Variants in CSMD1 observed in about 807,000 individuals in gnomAD.
CSMD1 encodes CUB and Sushi multiple domains 1, also known as CUB and sushi domain-containing protein 1.
In CSMD1, 213 loss-of-function variants were observed where a neutral mutation model predicts 417.5. The observed-to-expected ratio is 0.51, with a 90% confidence interval of 0.46 to 0.57. The LOEUF is 0.57. Among genes scored for constraint, CSMD1 ranks in the 20% least tolerant of loss-of-function variants. CSMD1 has a pLI of 0.00. For missense variants in CSMD1, 6,923 were observed against 4,529.7 expected (o/e 1.53, Z -15.17); for synonymous variants, 2,862 against 1,736.8 (o/e 1.65, Z -16.11).
chr8:4,026,221 A>G (rs1797057587), intron 4 of CSMD1, among the ~76,000 whole-genome samples: 1 of 152,372 alleles, frequency 6.6e-6, no homozygotes, highest in South Asian at 2.1e-4. Context: ...ATCCATGAGA[A>G]ACTGTGCTGC....
chr8:3,949,819 C>T, intron 5 of CSMD1: 1 of 434,378 alleles, frequency 2.3e-6, no homozygotes, highest in South Asian at 1.6e-5. Flanking sequence ...GGGCAATGAC[C>T]TGCTTCCATC....
At chr8:3,417,831 T>G (rs116777157) in intron 12 of CSMD1, among the ~76,000 whole-genome samples, 1 of 152,080 alleles carries the variant, frequency 6.6e-6, no homozygotes, top group African/African-American at 2.4e-5. Context: ...ACAGACCCTG[T>G]TTTTTGGAGA....
chr8:4,701,531 A>C (rs764950226), intron 1 of CSMD1, among the ~76,000 whole-genome samples: 28 of 152,088 alleles, frequency 1.8e-4, no homozygotes, highest in African/African-American at 6.3e-4. Flanking sequence ...GGAAGCATCA[A>C]TGGTGGGCAT....
At chr8:4,368,173 G>C (rs961950554) in intron 3 of CSMD1, among the ~76,000 whole-genome samples, 1 of 152,084 alleles carries the variant, frequency 6.6e-6, no homozygotes, top group African/African-American at 2.4e-5. Context: ...TTCCTTCAAT[G>C]CCTAATTTGT....
chr8:2,985,165 G>A (rs1805776492), intron 54 of CSMD1, among the ~76,000 whole-genome samples: 1 of 152,160 alleles, frequency 6.6e-6, no homozygotes, highest in South Asian at 2.1e-4. Flanking sequence ...ACAGAATATA[G>A]AAACCTTAAT....
At chr8:4,475,051 C>T (rs1800727536) in intron 2 of CSMD1, among the ~76,000 whole-genome samples, 1 of 152,028 alleles carries the variant, frequency 6.6e-6, no homozygotes, top group Non-Finnish European at 1.5e-5. Context: ...AGTGTCCTAA[C>T]CTCTGTGTTA....
At chr8:3,076,164 T>C (rs1813665568) in intron 49 of CSMD1, among the ~76,000 whole-genome samples, 1 of 152,216 alleles carries the variant, frequency 6.6e-6, no homozygotes, top group Admixed American at 6.5e-5. Context: ...AGAAATGGAT[T>C]TTCTCACAGT....
At chr8:4,374,632 G>C (rs1377193080) in intron 3 of CSMD1, among the ~76,000 whole-genome samples, 1 of 152,238 alleles carries the variant, frequency 6.6e-6, no homozygotes, top group East Asian at 1.9e-4. Flanking sequence ...GGAGCATGAA[G>C]TTGTTTTTTA....
At chr8:4,760,756 A>G (rs914728202) in intron 1 of CSMD1, among the ~76,000 whole-genome samples, 1 of 152,194 alleles carries the variant, frequency 6.6e-6, no homozygotes, top group Non-Finnish European at 1.5e-5. Context: ...GTATTTTATC[A>G]GCTAAGTTTT....
At chr8:3,103,568 A>G (rs11136577) in intron 46 of CSMD1, among the ~76,000 whole-genome samples, 128,436 of 151,834 alleles carry the variant, frequency 0.85, 56,658 homozygotes, top group Non-Finnish European at 0.96. Flanking sequence ...ACTCGGTGGT[A>G]GGAATTTTCA....
At chr8:3,855,287 C>A (rs988872805) in intron 5 of CSMD1, among the ~76,000 whole-genome samples, 2 of 152,050 alleles carry the variant, frequency 1.3e-5, no homozygotes, top group East Asian at 1.9e-4. Context: ...TCTGTCTTTG[C>A]AATTTAAACT....
chr8:4,751,520 A>T lies in CSMD1; in HGVS notation c.86-113962T>A, dbSNP rs1416760236. On this transcript the variant is annotated intron_variant, in intron 1 of 69. Transcript: ENST00000635120. ...GGAATCATGAGCTAGATAACTTTCTAAAGTTATTTTATCCCTTTAATTCCA... is the reference window on the plus strand; with the variant it reads ...GGAATCATGAGCTAGATAACTTTCTTAAGTTATTTTATCCCTTTAATTCCA... 2.0e-5 allele frequency among the ~76,000 whole-genome samples: 3 copies of T among 152,204 alleles called. 1 individual carries two copies. The highest frequency in any genetic ancestry group is 4.4e-5 in the Non-Finnish European group (3 of 68,028).
intron 10 of CSMD1, among the ~76,000 whole-genome samples, chr8:3,556,392 A>AATATAT (rs367650533): frequency 0.21 from 25,146 of 120,412 alleles, 3,133 homozygotes; most frequent in African/African-American, 0.3. Flanking sequence ...TATAATAATT[A>AATATAT]ATATATATAT....
chr8:3,147,333 C>A (rs1466517159), intron 40 of CSMD1, among the ~76,000 whole-genome samples: 1 of 152,178 alleles, frequency 6.6e-6, no homozygotes, highest in Non-Finnish European at 1.5e-5. Context: ...TACATTTTTA[C>A]ACGAAAGCAA....
chr8:4,532,891 C>G (rs867428754), intron 2 of CSMD1, among the ~76,000 whole-genome samples: 1 of 151,868 alleles, frequency 6.6e-6, no homozygotes, highest in Non-Finnish European at 1.5e-5. Flanking sequence ...AAATCCTGCA[C>G]CCCCATTCAG....
intron 3 of CSMD1, among the ~76,000 whole-genome samples, chr8:4,218,210 G>C (rs1362742981): frequency 6.6e-6 from 1 of 152,122 alleles, no homozygotes; most frequent in African/African-American, 2.4e-5. Context: ...TTGGCACTTT[G>C]CTCATTTCAT....
At chr8:4,231,948 T>C (rs779983497) in intron 3 of CSMD1, among the ~76,000 whole-genome samples, 1 of 152,158 alleles carries the variant, frequency 6.6e-6, no homozygotes. Flanking sequence ...CTTCCTTTTC[T>C]ACCTCCTCCT....
chr8:3,464,375 G>A (rs993061463), intron 12 of CSMD1, among the ~76,000 whole-genome samples: 6 of 152,160 alleles, frequency 3.9e-5, no homozygotes, highest in Middle Eastern at 6.8e-3. Flanking sequence ...AGCTGCAGTG[G>A]TTATGAGGGA....
chr8:3,947,323 T>C (rs983132077), intron 5 of CSMD1, among the ~76,000 whole-genome samples: 1 of 152,188 alleles, frequency 6.6e-6, no homozygotes, highest in Admixed American at 6.5e-5. Context: ...GTTAAGATTA[T>C]GAATTACAAT....
Sources: allele counts gnomAD v4.1 joint callset (sites outside exome capture counted in the v4.1 genomes callset), GRCh38; gene constraint gnomAD v4.1.1; transcripts MANE v1.5; gene names NCBI Gene and HGNC (gene_info 2026-07-23, HGNC 2026-07-21).